Variants in ARB2A observed in about 807,000 individuals in gnomAD.
The protein encoded by ARB2A is ARB2 cotranscriptional regulator A, also known as cotranscriptional regulator ARB2A.
chr5:93,635,518 G>A, the ARB2A span, among the ~76,000 whole-genome samples: 1 of 146,516 alleles, frequency 6.8e-6, no homozygotes, highest in East Asian at 2.0e-4. Context: ...CTGGAGTGCA[G>A]TGGTGCAGTC....
chr5:93,842,034 TA>T, the ARB2A span, among the ~76,000 whole-genome samples: 11 of 152,220 alleles, frequency 7.2e-5, no homozygotes, highest in Admixed American at 7.2e-4. Context: ...AAAATACAGC[TA>T]AGAGAAAGAA....
chr5:94,078,507 G>T, the ARB2A span, among the ~76,000 whole-genome samples: 1 of 152,172 alleles, frequency 6.6e-6, no homozygotes, highest in Non-Finnish European at 1.5e-5. Context: ...AAACGTTGGT[G>T]TGTGGGCACT....
At chr5:93,742,830 T>C in the ARB2A span, among the ~76,000 whole-genome samples, 2 of 152,228 alleles carry the variant, frequency 1.3e-5, no homozygotes, top group African/African-American at 2.4e-5. Context: ...TGTATTTCAG[T>C]TCTGACTTCT....
chr5:93,775,545 T>G, the ARB2A span, among the ~76,000 whole-genome samples: 1 of 152,356 alleles, frequency 6.6e-6, no homozygotes, highest in South Asian at 2.1e-4. Context: ...AGAGCCCAAC[T>G]GCTCCTAACC....
the ARB2A span, among the ~76,000 whole-genome samples, chr5:94,035,222 T>TACATATACATATACATAC: frequency 2.6e-4 from 39 of 150,556 alleles, no homozygotes; most frequent in African/African-American, 8.6e-4. Flanking sequence ...CATATACATA[T>TACATATACATATACATAC]ACATATACAT....
At chr5:93,928,892 A>G in the ARB2A span, among the ~76,000 whole-genome samples, 1 of 152,122 alleles carries the variant, frequency 6.6e-6, no homozygotes, top group Non-Finnish European at 1.5e-5. Flanking sequence ...AGAAGAAATA[A>G]TACTCTTACA....
chr5:93,743,975 T>C, the ARB2A span, among the ~76,000 whole-genome samples: 1 of 152,166 alleles, frequency 6.6e-6, no homozygotes, highest in African/African-American at 2.4e-5. Flanking sequence ...TAACAGCCCA[T>C]TTTCATAAGA....
the ARB2A span, among the ~76,000 whole-genome samples, chr5:93,978,160 T>C: frequency 6.6e-6 from 1 of 152,156 alleles, no homozygotes; most frequent in Non-Finnish European, 1.5e-5. Flanking sequence ...TTATACATTG[T>C]TGGTGGGAAT....
chr5:93,880,268 G>C, the ARB2A span, among the ~76,000 whole-genome samples: 1 of 151,604 alleles, frequency 6.6e-6, no homozygotes, highest in Admixed American at 6.6e-5. Flanking sequence ...TTTCACCACT[G>C]CTTAACTGTC....
At chr5:93,881,795 A>T in the ARB2A span, 1 of 563,418 alleles carries the variant, frequency 1.8e-6, no homozygotes, top group Non-Finnish European at 2.9e-6. Flanking sequence ...ATAGTTGCAT[A>T]TTCATTAAAA....
the ARB2A span, among the ~76,000 whole-genome samples, chr5:93,972,645 G>T: frequency 6.6e-6 from 1 of 152,062 alleles, no homozygotes; most frequent in Non-Finnish European, 1.5e-5. Context: ...TCAGAATATG[G>T]GTGGCAAAGA....
At chr5:93,877,533 G>C in the ARB2A span, among the ~76,000 whole-genome samples, 4 of 152,066 alleles carry the variant, frequency 2.6e-5, no homozygotes, top group Non-Finnish European at 4.4e-5. Context: ...TTTAAGGATT[G>C]ACATGCAATG....
chr5:93,963,342 T>C, the ARB2A span, among the ~76,000 whole-genome samples: 3 of 151,930 alleles, frequency 2.0e-5, no homozygotes, highest in Non-Finnish European at 4.4e-5. Flanking sequence ...AAACCAAGGG[T>C]TGATGTAGCT....
the ARB2A span, among the ~76,000 whole-genome samples, chr5:93,950,081 T>G: frequency 1.3e-5 from 2 of 152,144 alleles, no homozygotes; most frequent in African/African-American, 2.4e-5. Flanking sequence ...CCATTGCATA[T>G]ATGTACCACA....
At chr5:93,849,972 A>G in the ARB2A span, among the ~76,000 whole-genome samples, 1 of 152,174 alleles carries the variant, frequency 6.6e-6, no homozygotes, top group Admixed American at 6.6e-5. Flanking sequence ...GTATGTTCTA[A>G]TTAATTTAAT....
the ARB2A span, among the ~76,000 whole-genome samples, chr5:94,064,104 A>T: frequency 3.2e-4 from 48 of 152,092 alleles, no homozygotes; most frequent in Non-Finnish European, 5.7e-4. Flanking sequence ...GAAATCAGAA[A>T]AACAACTCAG....
the ARB2A span, among the ~76,000 whole-genome samples, chr5:93,945,844 G>A: frequency 0.025 from 3,741 of 152,204 alleles, 76 homozygotes; most frequent in Non-Finnish European, 0.04. Flanking sequence ...CAAGACTCAG[G>A]AAATTTCTTA....
the ARB2A span, among the ~76,000 whole-genome samples, chr5:93,947,157 G>GT: frequency 1.3e-5 from 2 of 152,114 alleles, no homozygotes; most frequent in African/African-American, 4.8e-5. Flanking sequence ...TTCATCTTCA[G>GT]TAGGGATTTA....
At chr5:93,724,004 T>C in the ARB2A span, among the ~76,000 whole-genome samples, 5 of 152,062 alleles carry the variant, frequency 3.3e-5, no homozygotes, top group Non-Finnish European at 7.4e-5. Context: ...TTAATGTAAA[T>C]AGCTTCACGT....
Sources: allele counts gnomAD v4.1 joint callset (sites outside exome capture counted in the v4.1 genomes callset), GRCh38; gene constraint gnomAD v4.1.1; transcripts MANE v1.5; gene names NCBI Gene and HGNC (gene_info 2026-07-23, HGNC 2026-07-21).